BBX: variants seen among roughly 807,000 people sequenced by gnomAD.
BBX encodes HMG box transcription factor BBX.
BBX carries 30 observed loss-of-function variants against 100.2 expected under a neutral mutation model. That is an observed-to-expected ratio of 0.30 (90% CI 0.22 to 0.41). The LOEUF is 0.41. BBX is among the 10% of genes least tolerant of loss of function. BBX has a pLI of 1.00. For missense variants in BBX, 1,023 were observed against 1,129.8 expected (o/e 0.91, Z 1.35); for synonymous variants, 376 against 388.1 (o/e 0.97, Z 0.37).
At chr3:107,757,242 C>T (rs961074427) in intron 10 of BBX, among the ~76,000 whole-genome samples, 3 of 151,644 alleles carry the variant, frequency 2.0e-5, no homozygotes, top group Non-Finnish European at 4.4e-5. Context: ...TACTTTGCTG[C>T]ATGGGGGGGC....
intron 3 of BBX, among the ~76,000 whole-genome samples, chr3:107,688,928 C>T (rs1455403088): frequency 6.6e-6 from 1 of 152,136 alleles, no homozygotes; most frequent in Non-Finnish European, 1.5e-5. Flanking sequence ...CCTTTGACTC[C>T]TCAGTGAGCC....
chr3:107,552,345 AT>A (rs775729196), intron 2 of BBX, among the ~76,000 whole-genome samples: 11 of 63,074 alleles, frequency 1.7e-4, no homozygotes, highest in Non-Finnish European at 3.5e-4. Flanking sequence ...ACCCTGTTTC[AT>A]TAAAAAAAAA....
At chr3:107,572,782 A>C (rs1419614779) in intron 2 of BBX, among the ~76,000 whole-genome samples, 1 of 152,206 alleles carries the variant, frequency 6.6e-6, no homozygotes, top group Non-Finnish European at 1.5e-5. Context: ...CATTTTAAAG[A>C]ATGCAAAACA....
At chr3:107,620,968 A>C in intron 2 of BBX, among the ~76,000 whole-genome samples, 1 of 151,484 alleles carries the variant, frequency 6.6e-6, no homozygotes, top group African/African-American at 2.4e-5. Flanking sequence ...AGAAAATCGG[A>C]GGTCACTACT....
intron 2 of BBX, among the ~76,000 whole-genome samples, chr3:107,548,612 C>T (rs1225261343): frequency 6.6e-6 from 1 of 152,130 alleles, no homozygotes; most frequent in Non-Finnish European, 1.5e-5. Flanking sequence ...ATAGGACTAC[C>T]ATTTGACCCA....
intron 2 of BBX, among the ~76,000 whole-genome samples, chr3:107,631,272 A>G (rs1325914166): frequency 6.6e-6 from 1 of 152,206 alleles, no homozygotes; most frequent in East Asian, 1.9e-4. Context: ...ACTATAGCCT[A>G]ATCAAACATA....
At chr3:107,570,443 A>G (rs1266860650) in intron 2 of BBX, among the ~76,000 whole-genome samples, 1 of 152,186 alleles carries the variant, frequency 6.6e-6, no homozygotes, top group Non-Finnish European at 1.5e-5. Flanking sequence ...GGTTGCTACC[A>G]AACAAGCCAT....
At chr3:107,732,793 GC>G (rs2063391227) in intron 6 of BBX, among the ~76,000 whole-genome samples, 162 bp from the exon 7 acceptor site, 1 of 152,180 alleles carries the variant, frequency 6.6e-6, no homozygotes. Context: ...GCACATATAT[GC>G]CAGGTTACTG....
At chr3:107,678,079 AT>A (rs2059379368) in intron 3 of BBX, among the ~76,000 whole-genome samples, 1 of 152,004 alleles carries the variant, frequency 6.6e-6, no homozygotes, top group African/African-American at 2.4e-5. Context: ...TTTATTATGT[AT>A]TTTTTTAAAG....
At chr3:107,560,100 C>T (rs1180649315) in intron 2 of BBX, among the ~76,000 whole-genome samples, 1 of 152,020 alleles carries the variant, frequency 6.6e-6, no homozygotes, top group African/African-American at 2.4e-5. Flanking sequence ...CGTCGACTCA[C>T]ATGCCCTCCA....
intron 3 of BBX, among the ~76,000 whole-genome samples, chr3:107,648,445 T>C (rs1319666396): frequency 6.6e-6 from 1 of 152,218 alleles, no homozygotes; most frequent in Non-Finnish European, 1.5e-5. Flanking sequence ...ATAATTCTTT[T>C]ACCTATGTAT....
At chr3:107,755,724 A>G in intron 10 of BBX, 46 bp downstream of exon 10, 1 of 1,462,030 alleles carries the variant, frequency 6.8e-7, no homozygotes, top group Non-Finnish European at 9.6e-7. Context: ...AGAGGTGGAA[A>G]TTACAAAATA....
In BBX at chr3:107,556,929, T is replaced by C. The variant is rs1347088662; in HGVS notation, c.-84+30531T>C. The stretch of plus-strand genomic sequence containing the variant: ...CCAAATTTTGTTGCCAGAGCTCAGG[T>C]TTGTTGAAGTTTCTAGAATGCTTTA... On this transcript the variant is annotated intron_variant, in intron 2 of 17. Coordinates refer to ENST00000325805, the MANE Select transcript of BBX (RefSeq NM_001142568.3). Among the ~76,000 whole-genome samples, 3 of 152,262 alleles carry C rather than the reference T, an allele frequency of 2.0e-5. No homozygotes were observed. The East Asian group carries it at 5.8e-4, about 29-fold the overall frequency.
intron 3 of BBX, among the ~76,000 whole-genome samples, chr3:107,675,699 G>A (rs1337847215): frequency 6.6e-6 from 1 of 152,202 alleles, no homozygotes; most frequent in South Asian, 2.1e-4. Flanking sequence ...TAAAAAGGCA[G>A]TATGATATAG....
intron 2 of BBX, among the ~76,000 whole-genome samples, chr3:107,557,865 C>G (rs2050195267): frequency 6.6e-6 from 1 of 152,136 alleles, no homozygotes. Context: ...TAGATAGACT[C>G]CTATGGTCAA....
intron 15 of BBX, among the ~76,000 whole-genome samples, chr3:107,796,936 T>C (rs978507550): frequency 3.3e-5 from 5 of 152,188 alleles, no homozygotes; most frequent in Admixed American, 1.3e-4. Context: ...CATTGCCAAG[T>C]AGTTTTTTAA....
chr3:107,536,858 A>C (rs1177807835), intron 2 of BBX, among the ~76,000 whole-genome samples: 4 of 152,146 alleles, frequency 2.6e-5, no homozygotes, highest in Non-Finnish European at 4.4e-5. Context: ...AGTCAATGTA[A>C]ATATCTATCA....
chr3:107,563,203 T>C (rs1452288122), intron 2 of BBX, among the ~76,000 whole-genome samples: 4 of 152,170 alleles, frequency 2.6e-5, no homozygotes, highest in Non-Finnish European at 4.4e-5. Flanking sequence ...CTTTGCCCAG[T>C]CAGGGCCTGA....
At chr3:107,533,906 T>G (rs1307276201) in intron 2 of BBX, among the ~76,000 whole-genome samples, 3 of 152,212 alleles carry the variant, frequency 2.0e-5, no homozygotes, top group African/African-American at 2.4e-5. Flanking sequence ...TGTTTTCAGG[T>G]TATATTGTTT....
Sources: gnomAD v4.1 joint callset for allele counts (sites outside exome capture counted in the v4.1 genomes callset) on GRCh38, gnomAD v4.1.1 for gene constraint, MANE v1.5 for transcripts, NCBI Gene and HGNC (gene_info 2026-07-23, HGNC 2026-07-21) for gene names.